The following FRMD6 variants were observed in gnomAD, a reference collection of about 807,000 sequenced individuals.
FRMD6 encodes FERM domain-containing protein 6.
A neutral mutation model predicts 73.2 loss-of-function variants in FRMD6; 37 were observed. The ratio of observed to expected loss-of-function variants is 0.51; its 90% CI spans 0.39 to 0.66. The LOEUF (loss-of-function observed/expected upper bound fraction) is 0.66. FRMD6 is among the 30% of genes least tolerant of loss of function. The pLI is 0.00. For synonymous variants in FRMD6, 273 were observed against 282.2 expected, an observed-to-expected ratio of 0.97 and a Z score of 0.33; for missense variants, 714 against 780.5, an observed-to-expected ratio of 0.91 and a Z score of 1.02.
intron 2 of FRMD6, among the ~76,000 whole-genome samples, chr14:51,618,901 T>A (rs1890813847): frequency 6.7e-6 from 1 of 149,268 alleles, no homozygotes; most frequent in East Asian, 1.9e-4. Context: ...TTATTATATA[T>A]GATATATTAT....
At chr14:51,447,241 A>G in the FRMD6 span, among the ~76,000 whole-genome samples, 1 of 152,106 alleles carries the variant, frequency 6.6e-6, no homozygotes, top group Non-Finnish European at 1.5e-5. Flanking sequence ...AGGGACTTGT[A>G]AAATGGTGTT....
chr14:51,572,158 A>G (rs1329733666), intron 2 of FRMD6, among the ~76,000 whole-genome samples: 1 of 152,256 alleles, frequency 6.6e-6, no homozygotes, highest in Non-Finnish European at 1.5e-5. Context: ...CCATAGTGCT[A>G]GGAGAGTAAA....
intron 1 of FRMD6, among the ~76,000 whole-genome samples, chr14:51,548,234 C>T (rs1224058115): frequency 6.6e-6 from 1 of 152,162 alleles, no homozygotes; most frequent in Admixed American, 6.5e-5. Context: ...TTAAAAGAGG[C>T]ATTGCCAGAA....
the FRMD6 span, among the ~76,000 whole-genome samples, chr14:51,473,344 C>T: frequency 2.3e-4 from 35 of 152,324 alleles, no homozygotes; most frequent in African/African-American, 7.5e-4. Flanking sequence ...TGGTCTGTTG[C>T]AGTTTCTAAG....
At chr14:51,526,186 T>A (rs1885247274) in intron 1 of FRMD6, among the ~76,000 whole-genome samples, 2 of 152,168 alleles carry the variant, frequency 1.3e-5, no homozygotes, top group African/African-American at 2.4e-5. Flanking sequence ...AAACCAGAGC[T>A]GAAGGGATGC....
chr14:51,644,474 T>C (rs942446309), intron 2 of FRMD6, among the ~76,000 whole-genome samples: 1 of 152,174 alleles, frequency 6.6e-6, no homozygotes, highest in Non-Finnish European at 1.5e-5. Context: ...ATGTGTCAGA[T>C]ACTGTTCTAG....
intron 1 of FRMD6, among the ~76,000 whole-genome samples, chr14:51,688,175 A>G (rs1395184473): frequency 6.6e-6 from 1 of 151,972 alleles, no homozygotes; most frequent in East Asian, 1.9e-4. Flanking sequence ...CCTAGAACAC[A>G]TGGGTTAACC....
At chr14:51,431,647 T>C in the FRMD6 span, among the ~76,000 whole-genome samples, 1 of 152,210 alleles carries the variant, frequency 6.6e-6, no homozygotes, top group African/African-American at 2.4e-5. Flanking sequence ...GAGCTGGTAA[T>C]ACAAACAAGA....
At chr14:51,479,473 G>C in the FRMD6 span, among the ~76,000 whole-genome samples, 1 of 152,206 alleles carries the variant, frequency 6.6e-6, no homozygotes, top group Non-Finnish European at 1.5e-5. Context: ...TGCTCTCAAG[G>C]AAGTGGAAAG....
intron 1 of FRMD6, among the ~76,000 whole-genome samples, chr14:51,653,899 A>C (rs993150861): frequency 1.3e-5 from 2 of 152,224 alleles, no homozygotes; most frequent in African/African-American, 4.8e-5. Context: ...CCCAGGGGAT[A>C]TCTAATATCA....
the FRMD6 span, among the ~76,000 whole-genome samples, chr14:51,465,645 T>C: frequency 6.6e-6 from 1 of 152,264 alleles, no homozygotes; most frequent in Non-Finnish European, 1.5e-5. Flanking sequence ...TTTGTTCCTT[T>C]TTGTTGCTGG....
the FRMD6 span, among the ~76,000 whole-genome samples, chr14:51,451,629 C>T: frequency 9.0e-3 from 1,368 of 152,322 alleles, 16 homozygotes; most frequent in Middle Eastern, 0.02. Context: ...GATCTGCCCA[C>T]CTCAGCCTCC....
At chr14:51,401,649 C>A in the FRMD6 span, among the ~76,000 whole-genome samples, 1 of 152,196 alleles carries the variant, frequency 6.6e-6, no homozygotes, top group Non-Finnish European at 1.5e-5. Context: ...TTGTTTGGAA[C>A]TTCCCCGTAG....
intron 1 of FRMD6, among the ~76,000 whole-genome samples, chr14:51,542,139 A>G (rs1886233625): frequency 6.6e-6 from 1 of 152,072 alleles, no homozygotes; most frequent in Admixed American, 6.6e-5. Flanking sequence ...TTATTTTGGT[A>G]AAATACACAC....
intron 1 of FRMD6, among the ~76,000 whole-genome samples, chr14:51,560,177 A>G (rs1016572391): frequency 5.9e-5 from 9 of 152,188 alleles, no homozygotes; most frequent in Non-Finnish European, 1.0e-4. Flanking sequence ...TTTCTGTATC[A>G]CAATTGAGGT....
chr14:51,652,316 C>G (rs1594660698), intron 1 of FRMD6: 1 of 152,746 alleles, frequency 6.5e-6, no homozygotes, highest in South Asian at 2.1e-4. Flanking sequence ...GCGTGGAGCT[C>G]GGGGCGGCTT....
intron 10 of FRMD6, among the ~76,000 whole-genome samples, chr14:51,719,582 C>A (rs985881562): frequency 3.3e-5 from 5 of 152,304 alleles, no homozygotes; most frequent in African/African-American, 9.6e-5. Context: ...ATTAAGTAGT[C>A]TTCTAGAGCA....
At chr14:51,597,766 A>T (rs940372824) in intron 2 of FRMD6, among the ~76,000 whole-genome samples, 1 of 152,244 alleles carries the variant, frequency 6.6e-6, no homozygotes, top group Non-Finnish European at 1.5e-5. Context: ...GGGTAAAGAA[A>T]TTCCAAGACC....
At chr14:51,530,757 G>A (rs1442328220) in intron 1 of FRMD6, among the ~76,000 whole-genome samples, 1 of 152,086 alleles carries the variant, frequency 6.6e-6, no homozygotes, top group African/African-American at 2.4e-5. Context: ...AACATGCTGG[G>A]ATTACAGGCA....
Sources: allele counts gnomAD v4.1 joint callset (sites outside exome capture counted in the v4.1 genomes callset), GRCh38; gene constraint gnomAD v4.1.1; transcripts MANE v1.5; gene names NCBI Gene and HGNC (gene_info 2026-07-23, HGNC 2026-07-21).